Variants in FBXL17 observed in about 807,000 individuals in gnomAD.
FBXL17 encodes the protein F-box and leucine rich repeat protein 17.
A neutral mutation model predicts 66.2 loss-of-function variants in FBXL17; 22 were observed. The ratio of observed to expected loss-of-function variants is 0.33; its 90% CI spans 0.24 to 0.47. The LOEUF (loss-of-function observed/expected upper bound fraction) is 0.47, where lower values mean the gene tolerates loss of function less well. Ranked by LOEUF, FBXL17 falls within the 20% of genes least tolerant of loss-of-function variation. The probability of loss-of-function intolerance (pLI) is 1.00; values close to 1 mark genes in which losing one functional copy is unlikely to be tolerated. For synonymous variants in FBXL17, 474 were observed against 400.5 expected (o/e 1.18, Z -2.19); for missense variants, 878 against 948.2 (o/e 0.93, Z 0.97).
intron 5 of FBXL17, among the ~76,000 whole-genome samples, chr5:108,193,499 C>T (rs1753554045): frequency 6.6e-6 from 1 of 152,038 alleles, no homozygotes; most frequent in Non-Finnish European, 1.5e-5. Context: ...GAAAGACTTC[C>T]ATCCTTGAGA....
At chr5:108,056,537 T>G (rs1747715543) in intron 6 of FBXL17, among the ~76,000 whole-genome samples, 1 of 152,176 alleles carries the variant, frequency 6.6e-6, no homozygotes, top group Admixed American at 6.5e-5. Flanking sequence ...GTGATGAGTT[T>G]TACAAATACA....
intron 4 of FBXL17, among the ~76,000 whole-genome samples, chr5:108,253,989 A>G (rs1756470402): frequency 6.6e-6 from 1 of 152,110 alleles, no homozygotes; most frequent in South Asian, 2.1e-4. Context: ...AAGAAAAGAA[A>G]AGAAACTGTA....
In FBXL17 at chr5:107,928,110, C is replaced by T. The variant is rs140096124; in HGVS notation, c.1823-46931G>A. Reference sequence around the variant, plus strand: ...AAATAATAATTAATATGAGAAAATACAATTTCTCTTTGAACATGGGTGCAG... The same window carrying T: ...AAATAATAATTAATATGAGAAAATATAATTTCTCTTTGAACATGGGTGCAG... On this transcript the variant is annotated intron_variant, in intron 7 of 8. Coordinates refer to ENST00000542267, the MANE Select transcript of FBXL17 (RefSeq NM_001163315.3). Among the ~76,000 whole-genome samples the T allele has an allele frequency of 7.5e-3, 1,134 of 152,074 alleles. 22 individuals are homozygous for T. The highest frequency in any genetic ancestry group is 0.026 in the African/African-American group (1,086 of 41,496).
At chr5:108,156,841 T>G (rs1752015453) in intron 6 of FBXL17, among the ~76,000 whole-genome samples, 1 of 151,908 alleles carries the variant, frequency 6.6e-6, no homozygotes, top group Non-Finnish European at 1.5e-5. Flanking sequence ...AATAATTTGT[T>G]TCTAATGCAA....
At chr5:107,963,099 A>G (rs894593222) in intron 7 of FBXL17, among the ~76,000 whole-genome samples, 2 of 152,088 alleles carry the variant, frequency 1.3e-5, no homozygotes, top group South Asian at 4.1e-4. Context: ...TTTTCTTTTT[A>G]TTATTTCTAA....
At chr5:108,035,112 G>C (rs1457550853) in intron 6 of FBXL17, among the ~76,000 whole-genome samples, 1 of 152,118 alleles carries the variant, frequency 6.6e-6, no homozygotes, top group Non-Finnish European at 1.5e-5. Context: ...TCAGTGTGTA[G>C]TTATGTACCT....
chr5:108,222,108 T>C (rs1022758875), intron 5 of FBXL17, among the ~76,000 whole-genome samples: 2 of 152,218 alleles, frequency 1.3e-5, no homozygotes, highest in Admixed American at 1.3e-4. Context: ...AATTGAGCTT[T>C]CCAATGCAGA....
intron 4 of FBXL17, chr5:108,298,179 T>C: frequency 2.0e-6 from 2 of 978,888 alleles, no homozygotes. Flanking sequence ...CTAGAAATTC[T>C]AGAAAGTACA....
chr5:108,258,183 C>A (rs1044432790), intron 4 of FBXL17, among the ~76,000 whole-genome samples: 1 of 152,114 alleles, frequency 6.6e-6, no homozygotes, highest in Non-Finnish European at 1.5e-5. Context: ...GGCCATGATT[C>A]AACAGGGCCG....
intron 7 of FBXL17, among the ~76,000 whole-genome samples, chr5:107,907,928 A>C (rs1323805984): frequency 6.6e-6 from 1 of 152,238 alleles, no homozygotes; most frequent in Non-Finnish European, 1.5e-5. Context: ...CATTTGACCC[A>C]GCCATCCCAT....
chr5:108,027,912 G>T (rs947413987), intron 6 of FBXL17, among the ~76,000 whole-genome samples: 2 of 152,170 alleles, frequency 1.3e-5, no homozygotes, highest in South Asian at 4.1e-4. Context: ...ATCTTTTAAG[G>T]TTTGTGAGTT....
At chr5:107,965,463 T>C (rs370648992) in intron 7 of FBXL17, among the ~76,000 whole-genome samples, 2 of 152,094 alleles carry the variant, frequency 1.3e-5, no homozygotes, top group Non-Finnish European at 2.9e-5. Flanking sequence ...TTTATAAAAA[T>C]GAATTAAAAT....
intron 4 of FBXL17, among the ~76,000 whole-genome samples, chr5:108,225,074 C>T (rs1408341102): frequency 6.6e-6 from 1 of 152,148 alleles, no homozygotes; most frequent in African/African-American, 2.4e-5. Context: ...ACCCCATGCC[C>T]ATTAACGGTC....
intron 4 of FBXL17, among the ~76,000 whole-genome samples, chr5:108,288,254 G>T (rs540209322): frequency 2.7e-5 from 4 of 150,516 alleles, no homozygotes; most frequent in African/African-American, 9.8e-5. Flanking sequence ...CATGTACCCC[G>T]AGCCTAAAAT....
chr5:108,198,366 T>C (rs1481784473), intron 5 of FBXL17, among the ~76,000 whole-genome samples: 12 of 152,240 alleles, frequency 7.9e-5, no homozygotes, highest in South Asian at 6.2e-4. Context: ...TAAAAATAAA[T>C]CAGTTGGGTC....
chr5:108,301,552 A>G (rs1429643969), intron 4 of FBXL17, among the ~76,000 whole-genome samples: 3 of 151,830 alleles, frequency 2.0e-5, no homozygotes, highest in Non-Finnish European at 4.4e-5. Flanking sequence ...AACAAAAATG[A>G]ACTGTGGTTA....
intron 7 of FBXL17, among the ~76,000 whole-genome samples, chr5:107,958,198 CTTTATTTATT>C (rs1333799292): frequency 6.7e-6 from 1 of 149,790 alleles, no homozygotes; most frequent in Non-Finnish European, 1.5e-5. Context: ...CAGGTTCTGT[CTTTATTTATT>C]TATTTATTTT....
rs552357037 is a variant in FBXL17, at chr5:108,322,513, A to C, written c.1506+25886T>G. On this transcript the variant is annotated intron_variant, in intron 4 of 8. Coordinates refer to ENST00000542267, the MANE Select transcript of FBXL17 (RefSeq NM_001163315.3). Reference sequence around the variant, plus strand: ...CTTTGTATAAGAAAAGAATAATATAAGAATTTTTTTCATATTTTCATAAAC... The same window carrying C: ...CTTTGTATAAGAAAAGAATAATATACGAATTTTTTTCATATTTTCATAAAC... 1.3e-4 allele frequency among the ~76,000 whole-genome samples: 20 copies of C among 152,112 alleles called. No homozygotes were observed. The East Asian group carries it at 3.9e-3, about 29-fold the overall frequency.
intron 6 of FBXL17, among the ~76,000 whole-genome samples, chr5:108,065,750 C>T (rs11242661): frequency 0.47 from 72,046 of 151,866 alleles, 17,543 homozygotes; most frequent in Admixed American, 0.58. Flanking sequence ...AAAAGAGTCT[C>T]CTTTCCCAAG....
Sources: allele counts gnomAD v4.1 joint callset (sites outside exome capture counted in the v4.1 genomes callset), GRCh38; gene constraint gnomAD v4.1.1; transcripts MANE v1.5; gene names NCBI Gene and HGNC (gene_info 2026-07-23, HGNC 2026-07-21).